EDIL3: variants seen among roughly 807,000 people sequenced by gnomAD.
EDIL3 encodes the protein EGF like and discoidin domains 3.
Under a neutral mutation model 67.4 loss-of-function variants are expected in EDIL3, and 37 were observed. That is an observed-to-expected ratio of 0.55 (90% CI 0.42 to 0.72). The LOEUF (loss-of-function observed/expected upper bound fraction) is 0.72. EDIL3 is among the 30% of genes least tolerant of loss of function. The probability of loss-of-function intolerance (pLI) is 0.00; values close to 1 mark genes in which losing one functional copy is unlikely to be tolerated. For missense variants in EDIL3, 527 were observed against 586.3 expected (o/e 0.90, Z 1.04); for synonymous variants, 195 against 196.3 (o/e 0.99, Z 0.05).
intron 6 of EDIL3, among the ~76,000 whole-genome samples, chr5:84,093,654 C>A (rs1747207032): frequency 7.2e-6 from 1 of 139,208 alleles, no homozygotes; most frequent in South Asian, 2.3e-4. Flanking sequence ...ATTTCAGATG[C>A]AGCCTTTTTT....
In EDIL3 at chr5:84,040,501, A is replaced by C. The variant is rs1746100672; in HGVS notation, c.1137+19799T>G. ...ATTTAATTATATATATAAAGGGTAT[A>C]TATAGATATATAATTATATATATAT... On this transcript the variant is annotated intron_variant, in intron 9 of 10. Transcript: ENST00000296591. Among the ~76,000 whole-genome samples, 8 of 148,030 alleles carry C rather than the reference A, an allele frequency of 5.4e-5. No homozygotes were observed. In the South Asian group the frequency reaches 1.0e-3, roughly 19 times the overall value.
intron 9 of EDIL3, among the ~76,000 whole-genome samples, chr5:84,042,865 C>T (rs529887977): frequency 3.3e-5 from 5 of 152,276 alleles, no homozygotes; most frequent in East Asian, 3.9e-4. Flanking sequence ...CATTTTAAAA[C>T]GGTGAATATC....
rs1435491333 is a variant in EDIL3 at position 84,327,947 on chromosome 5, T to G, written c.67+56361A>C. Among the ~76,000 whole-genome samples the G allele has an allele frequency of 3.3e-5, 5 of 152,044 alleles. No homozygotes were observed. In the East Asian group the frequency reaches 9.6e-4, roughly 29 times the overall value. ...TTTATATGGGGACAGGCCATGGAAGTCTTACCAGCATACAGAAGGTAGTCT... is the reference window on the plus strand; with the variant it reads ...TTTATATGGGGACAGGCCATGGAAGGCTTACCAGCATACAGAAGGTAGTCT... On this transcript the variant is annotated intron_variant, in intron 1 of 10. Transcript: ENST00000296591.
intron 3 of EDIL3, among the ~76,000 whole-genome samples, chr5:84,222,780 T>A (rs1475082241): frequency 5.9e-5 from 1 of 16,980 alleles, no homozygotes; most frequent in African/African-American, 3.6e-4. Context: ...TCATGTCTTC[T>A]AGAGAAATGT....
intron 1 of EDIL3, among the ~76,000 whole-genome samples, chr5:84,264,632 G>T (rs932458994): frequency 3.3e-5 from 5 of 152,074 alleles, no homozygotes; most frequent in Non-Finnish European, 7.4e-5. Context: ...TGAACTTTAC[G>T]CTTTTAGATA....
intron 9 of EDIL3, among the ~76,000 whole-genome samples, chr5:84,059,557 A>C (rs1746506692): frequency 6.6e-6 from 1 of 152,180 alleles, no homozygotes; most frequent in African/African-American, 2.4e-5. Context: ...CTGGGAATGC[A>C]ATGAACTACT....
At chr5:84,289,348 G>A (rs966821698) in intron 1 of EDIL3, among the ~76,000 whole-genome samples, 10 of 152,250 alleles carry the variant, frequency 6.6e-5, no homozygotes, top group African/African-American at 2.2e-4. Flanking sequence ...GTAACAAAGA[G>A]CTGCTTGAGT....
intron 1 of EDIL3, among the ~76,000 whole-genome samples, chr5:84,270,043 T>C (rs1745430971): frequency 6.6e-6 from 1 of 152,204 alleles, no homozygotes; most frequent in Admixed American, 6.5e-5. Context: ...TAGAAGGATA[T>C]GTGCAAAAAT....
intron 9 of EDIL3, among the ~76,000 whole-genome samples, chr5:84,038,463 C>A (rs1746063695): frequency 6.6e-6 from 1 of 152,196 alleles, no homozygotes; most frequent in African/African-American, 2.4e-5. Flanking sequence ...CTTCTTAAAT[C>A]CTTTTTACAT....
intron 9 of EDIL3, among the ~76,000 whole-genome samples, chr5:83,993,864 C>CA (rs1745191772): frequency 6.6e-6 from 1 of 152,164 alleles, no homozygotes; most frequent in Admixed American, 6.5e-5. Flanking sequence ...TCTGTATACC[C>CA]AGGTCTTCCA....
At chr5:84,078,794 C>T (rs1746910784) in intron 6 of EDIL3, 1 of 152,110 alleles carries the variant, frequency 6.6e-6, no homozygotes, top group South Asian at 2.1e-4. Context: ...GCACAGTTAC[C>T]TACAAAAGTG....
At chr5:84,298,455 AAC>A (rs912587731) in intron 1 of EDIL3, among the ~76,000 whole-genome samples, 2 of 152,162 alleles carry the variant, frequency 1.3e-5, no homozygotes, top group Non-Finnish European at 2.9e-5. Flanking sequence ...GGAGGGGAAC[AAC>A]ACACACTGGG....
intron 1 of EDIL3, among the ~76,000 whole-genome samples, chr5:84,258,564 A>C (rs1379879247): frequency 1.3e-5 from 2 of 152,184 alleles, no homozygotes; most frequent in Non-Finnish European, 2.9e-5. Context: ...TCAGCTAACT[A>C]CATACTTGTA....
intron 6 of EDIL3, among the ~76,000 whole-genome samples, chr5:84,104,800 G>C (rs1747428971): frequency 6.6e-6 from 1 of 152,050 alleles, no homozygotes; most frequent in African/African-American, 2.4e-5. Context: ...TTGAAAGGAA[G>C]AATGATGCAT....
intron 6 of EDIL3, among the ~76,000 whole-genome samples, chr5:84,083,659 A>G (rs1580318921): frequency 6.6e-6 from 1 of 152,160 alleles, no homozygotes; most frequent in East Asian, 1.9e-4. Context: ...GTAAAATGCT[A>G]TCCAACTCAC....
At chr5:83,951,286 A>G (rs761324653) in intron 10 of EDIL3, among the ~76,000 whole-genome samples, 1 of 151,764 alleles carries the variant, frequency 6.6e-6, no homozygotes, top group Non-Finnish European at 1.5e-5. Context: ...TTGTGGCTCT[A>G]AAGTTTGCTT....
chr5:84,059,534 G>T (rs1281201347), intron 9 of EDIL3, among the ~76,000 whole-genome samples: 1 of 152,120 alleles, frequency 6.6e-6, no homozygotes, highest in Non-Finnish European at 1.5e-5. Context: ...ATTTTAAATT[G>T]TTTTCATGAT....
At chr5:84,067,046 C>T (rs1401128659) in intron 6 of EDIL3, among the ~76,000 whole-genome samples, 1 of 152,066 alleles carries the variant, frequency 6.6e-6, no homozygotes, top group Admixed American at 6.6e-5. Flanking sequence ...TAAAACATGA[C>T]AATTTCACTG....
At chr5:84,205,733 G>A (rs1743961017) in intron 3 of EDIL3, among the ~76,000 whole-genome samples, 1 of 152,138 alleles carries the variant, frequency 6.6e-6, no homozygotes, top group African/African-American at 2.4e-5. Context: ...ATGGTAGTTT[G>A]TATTTCTGTG....
Sources: allele counts gnomAD v4.1 joint callset (sites outside exome capture counted in the v4.1 genomes callset), GRCh38; gene constraint gnomAD v4.1.1; transcripts MANE v1.5; gene names NCBI Gene and HGNC (gene_info 2026-07-23, HGNC 2026-07-21).